ATRNL1: variants seen among roughly 807,000 people sequenced by gnomAD.
The protein encoded by ATRNL1 is attractin-like protein 1.
ATRNL1 carries 95 observed loss-of-function variants against 182.7 expected under a neutral mutation model. The observed-to-expected ratio is 0.52, with a 90% confidence interval of 0.44 to 0.62. ATRNL1 has a LOEUF of 0.62. Ranked by LOEUF, ATRNL1 falls within the 20% of genes least tolerant of loss-of-function variation. ATRNL1 has a pLI of 0.00. For synonymous variants in ATRNL1, 576 were observed against 568.3 expected (o/e 1.01, Z -0.19); for missense variants, 1,471 against 1,679.5 (o/e 0.88, Z 2.17).
chr10:115,911,604 G>A (rs1319479077), intron 28 of ATRNL1, among the ~76,000 whole-genome samples: 2 of 152,278 alleles, frequency 1.3e-5, no homozygotes, highest in African/African-American at 2.4e-5. Context: ...GTGAGCCACC[G>A]TGCCTGGCTA....
chr10:115,189,380 T>TATTCCAGAAGAAGGC (rs1189782515), intron 8 of ATRNL1, among the ~76,000 whole-genome samples: 9 of 152,034 alleles, frequency 5.9e-5, no homozygotes, highest in African/African-American at 2.2e-4. Context: ...AGGCAGGAGG[T>TATTCCAGAAGAAGGC]ATTCCAGAAG....
intron 27 of ATRNL1, among the ~76,000 whole-genome samples, chr10:115,807,292 T>G (rs535252327): frequency 1.7e-4 from 26 of 152,098 alleles, no homozygotes; most frequent in Non-Finnish European, 2.2e-4. Flanking sequence ...ATTTTTGTAA[T>G]TGTAGCAGAG....
chr10:115,917,307 A>G (rs576005306), intron 28 of ATRNL1, among the ~76,000 whole-genome samples: 30 of 152,140 alleles, frequency 2.0e-4, no homozygotes, highest in African/African-American at 6.7e-4. Flanking sequence ...TCTGTGTTGT[A>G]AAAATACAAA....
chr10:115,942,404 T>C (rs1555124494), intron 28 of ATRNL1, among the ~76,000 whole-genome samples: 1 of 152,276 alleles, frequency 6.6e-6, no homozygotes, highest in East Asian at 1.9e-4. Flanking sequence ...GGAAGTCTAA[T>C]GGCCTTTGCC....
intron 8 of ATRNL1, among the ~76,000 whole-genome samples, chr10:115,183,909 A>G (rs1847839992): frequency 1.3e-5 from 2 of 151,570 alleles, no homozygotes; most frequent in South Asian, 4.1e-4. Context: ...CCCGTTAAAT[A>G]TCAACACAAA....
intron 8 of ATRNL1, among the ~76,000 whole-genome samples, chr10:115,176,179 T>G (rs901846026): frequency 2.8e-4 from 42 of 152,332 alleles, no homozygotes; most frequent in African/African-American, 7.9e-4. Context: ...TAAATTTGTT[T>G]GAGTTCTTTG....
intron 26 of ATRNL1, among the ~76,000 whole-genome samples, chr10:115,718,232 T>A (rs1172077056): frequency 6.6e-6 from 1 of 152,198 alleles, no homozygotes; most frequent in Non-Finnish European, 1.5e-5. Context: ...AGGGCAAATG[T>A]CATTTCTCTT....
At chr10:115,167,120 A>C (rs1435305300) in intron 7 of ATRNL1, among the ~76,000 whole-genome samples, 5 of 151,972 alleles carry the variant, frequency 3.3e-5, no homozygotes, top group Non-Finnish European at 7.4e-5. Flanking sequence ...GTGGATAGCC[A>C]GTTTCCCCAA....
intron 26 of ATRNL1, 21 bp from the exon 27 acceptor site, chr10:115,727,227 A>G: frequency 6.4e-7 from 1 of 1,566,080 alleles, no homozygotes; most frequent in African/African-American, 1.3e-5. Flanking sequence ...TTTAAGATAA[A>G]TCATTTTTAA....
chr10:115,142,606 T>G (rs1845797318), intron 5 of ATRNL1, among the ~76,000 whole-genome samples: 1 of 152,210 alleles, frequency 6.6e-6, no homozygotes, highest in South Asian at 2.1e-4. Context: ...TGAAGGATTT[T>G]GAGCAGAAGA....
intron 28 of ATRNL1, among the ~76,000 whole-genome samples, chr10:115,858,531 G>A (rs1316246043): frequency 6.6e-6 from 1 of 152,150 alleles, no homozygotes; most frequent in Non-Finnish European, 1.5e-5. Context: ...ATACACTGGA[G>A]CCTGTCGGGG....
intron 24 of ATRNL1, among the ~76,000 whole-genome samples, chr10:115,469,704 G>T (rs1472503866): frequency 6.6e-6 from 1 of 150,536 alleles, no homozygotes; most frequent in African/African-American, 2.4e-5. Context: ...AGCACATTCT[G>T]AAAATAATCT....
chr10:115,798,805 TTTTTTTTTC>T (rs1443819985), intron 27 of ATRNL1, among the ~76,000 whole-genome samples: 11 of 146,392 alleles, frequency 7.5e-5, no homozygotes, highest in African/African-American at 2.5e-4. Context: ...ATGAGGTTGC[TTTTTTTTTC>T]TTTTTTTTCT....
chr10:115,430,231 C>T (rs1274849034), intron 21 of ATRNL1, among the ~76,000 whole-genome samples: 7 of 151,960 alleles, frequency 4.6e-5, no homozygotes, highest in African/African-American at 1.4e-4. Flanking sequence ...GGGTCTAGTG[C>T]TTTTTAATTG....
chr10:115,101,483 T>C (rs1843766262), intron 1 of ATRNL1, among the ~76,000 whole-genome samples: 1 of 149,786 alleles, frequency 6.7e-6, no homozygotes, highest in Non-Finnish European at 1.5e-5. Flanking sequence ...TTTTTCAAGT[T>C]TGTTAACATG....
intron 24 of ATRNL1, among the ~76,000 whole-genome samples, chr10:115,482,874 A>G (rs1316088202): frequency 1.3e-5 from 2 of 151,302 alleles, no homozygotes; most frequent in African/African-American, 4.8e-5. Context: ...GTTTTAGCAT[A>G]TACCTAGATA....
rs1253479842 is a variant in ATRNL1, at chr10:115,814,200, G to A, written c.3904-33677G>A. The stretch of plus-strand genomic sequence containing the variant: ...ATATTCCTATATTTCAATTTAGGGA[G>A]CAAATATGAAAGTAAAATTAATGGA... On this transcript the variant is annotated intron_variant, in intron 27 of 28. Coordinates refer to ENST00000355044, the MANE Select transcript of ATRNL1 (RefSeq NM_207303.4). 5.9e-5 allele frequency among the ~76,000 whole-genome samples: 9 copies of A among 152,222 alleles called. No homozygotes were observed. In the South Asian group the frequency reaches 1.7e-3, roughly 28 times the overall value.
intron 19 of ATRNL1, among the ~76,000 whole-genome samples, chr10:115,336,982 G>A (rs905431352): frequency 4.8e-5 from 7 of 146,944 alleles, no homozygotes; most frequent in Admixed American, 1.3e-4. Flanking sequence ...AGTAGCTGGG[G>A]GGGGGGGACT....
At chr10:115,721,482 A>G (rs1947422606) in intron 26 of ATRNL1, among the ~76,000 whole-genome samples, 4 of 152,308 alleles carry the variant, frequency 2.6e-5, no homozygotes, top group South Asian at 4.1e-4. Flanking sequence ...TTACAATTCC[A>G]TATGGCTGGG....
Sources: gnomAD v4.1 joint callset for allele counts (sites outside exome capture counted in the v4.1 genomes callset) on GRCh38, gnomAD v4.1.1 for gene constraint, MANE v1.5 for transcripts, NCBI Gene and HGNC (gene_info 2026-07-23, HGNC 2026-07-21) for gene names.